ABCB11: variants seen among roughly 807,000 people sequenced by gnomAD.
The protein encoded by ABCB11 is bile salt export pump.
In ABCB11, 95 loss-of-function variants were observed where a neutral mutation model predicts 148.0. That is an observed-to-expected ratio of 0.64 (90% CI 0.54 to 0.76). ABCB11 has a LOEUF of 0.76. ABCB11 is among the 30% of genes least tolerant of loss of function. The pLI is 0.00. For missense variants in ABCB11, 1,523 were observed against 1,617.8 expected, an observed-to-expected ratio of 0.94 and a Z score of 1.01; for synonymous variants, 591 against 555.4, an observed-to-expected ratio of 1.06 and a Z score of -0.90.
chr2:169,010,722 G>A (rs1203369192), intron 5 of ABCB11, among the ~76,000 whole-genome samples: 1 of 152,004 alleles, frequency 6.6e-6, no homozygotes, highest in Non-Finnish European at 1.5e-5. Context: ...ATAAGATCGC[G>A]GTGATCTTAC....
At chr2:168,933,510 T>C (rs773304396) in intron 23 of ABCB11, among the ~76,000 whole-genome samples, 1 of 152,344 alleles carries the variant, frequency 6.6e-6, no homozygotes, top group East Asian at 1.9e-4. Context: ...TGCACTGTCA[T>C]GCACAGAGGG....
chr2:169,015,571 G>T (rs115646382), intron 3 of ABCB11, among the ~76,000 whole-genome samples: 4,674 of 151,754 alleles, frequency 0.031, 118 homozygotes, highest in African/African-American at 0.064. Flanking sequence ...TTTTCTTTAG[G>T]TAACCACAGG....
chr2:168,980,024 G>A (rs774015178), intron 10 of ABCB11, 45 bp from the exon 11 acceptor site: 3 of 1,148,940 alleles, frequency 2.6e-6, no homozygotes, highest in East Asian at 2.5e-5. Flanking sequence ...TTGTTAATGT[G>A]TAAATAGTAA....
chr2:168,985,457 A>G (rs1370051441), intron 10 of ABCB11, among the ~76,000 whole-genome samples: 1 of 152,196 alleles, frequency 6.6e-6, no homozygotes, highest in African/African-American at 2.4e-5. Flanking sequence ...GCATGTTTAT[A>G]GCAGCACAAT....
rs1691827755 is a variant in ABCB11 at position 168,936,379 on chromosome 2, C to T, written c.2665G>A (p.Ala889Thr). Residue 889 changes from alanine to threonine, a missense_variant, in exon 22 of 28, where the codon GCC becomes ACC. Physicochemically the swap from Ala to Thr is moderately conservative, Grantham distance 58. Transcript: ENST00000650372. ...IVNSFTNVTV[A>T]MIIAFSFSWK... Reference sequence around the variant, plus strand: ...CTAAAGGAGAAGGCAATGATCATGGCCACAGTGACGTTAGTGAAGGAATTG... The same window carrying T: ...CTAAAGGAGAAGGCAATGATCATGGTCACAGTGACGTTAGTGAAGGAATTG... The T allele has an allele frequency of 1.4e-5, 22 of 1,613,796 alleles. No individual in the cohort carries two copies. The highest frequency in any genetic ancestry group is 1.8e-5 in the Non-Finnish European group (21 of 1,179,874).
In ABCB11 at chr2:169,018,032, G is replaced by A. The variant is rs1267507609; in HGVS notation, c.76+18C>T. ...CCTCTCCTTGTACAAGATGCAGTGA[G>A]GGAAAAAAGCCACTCACATGATTTA... On this transcript the variant is annotated intron_variant, in intron 2 of 27. Coordinates refer to ENST00000650372, the MANE Select transcript of ABCB11 (RefSeq NM_003742.4). 1 of 1,600,618 alleles carries A rather than the reference G, an allele frequency of 6.2e-7. No individual in the cohort carries two copies. The highest frequency in any genetic ancestry group is 8.6e-7 in the Non-Finnish European group (1 of 1,168,022).
At position 168,995,363 on chromosome 2, in the gene ABCB11, A is replaced by G. The variant is rs1371004933; in HGVS notation, c.597T>C (p.Asn199=). ...WFDCNSVGEL[N]TRFSDDINKI... is the part of the protein sequence containing the mutation. ...CAGCTACTTACTCAGAGAATCTTGT[A>G]TTCAGCTCCCCCACTGAATTGCAGT... Residue 199 remains asparagine, a synonymous_variant, in exon 7 of 28, where the codon AAT becomes AAC. Transcript: ENST00000650372. The G allele has an allele frequency of 1.2e-6, 2 of 1,612,210 alleles. No individual in the cohort carries two copies. Among genetic ancestry groups the G allele is most frequent in the Admixed American group, 1.7e-5 (1 of 59,802 alleles).
chr2:169,030,396 G>C (rs1695832277), intron 1 of ABCB11, among the ~76,000 whole-genome samples: 1 of 152,094 alleles, frequency 6.6e-6, no homozygotes, highest in African/African-American at 2.4e-5. Flanking sequence ...GTTGCCCACA[G>C]AAAAGAACTT....
At chr2:168,990,495 A>G (rs1395724568) in intron 9 of ABCB11, among the ~76,000 whole-genome samples, 2 of 152,144 alleles carry the variant, frequency 1.3e-5, no homozygotes, top group Admixed American at 1.3e-4. Flanking sequence ...ACAGCATTAT[A>G]GACTGATATG....
At position 168,935,310 on chromosome 2, in the gene ABCB11, T is replaced by C. The variant is rs369859057; in HGVS notation, c.2930A>G (p.Lys977Arg). ...LEKPFKTAIQ[K>R]ANIYGFCFAF... is the part of the protein sequence containing the mutation. ...AAAGCAGAATCCGTAAATATTGGCT[T>C]TCTGAATGGCTGTCTTGAAGGGCTT... The change falls in exon 23 of 28, where the codon AAA becomes AGA. Residue 977 changes from lysine to arginine, a missense_variant. Physicochemically the swap from Lys to Arg is conservative, Grantham distance 26. Transcript: ENST00000650372. 8.1e-6 allele frequency: 13 copies of C among 1,613,950 alleles called. No homozygotes were observed. Among genetic ancestry groups the C allele is most frequent in the Non-Finnish European group, 1.0e-5 (12 of 1,179,904 alleles).
At chr2:168,947,348 AT>A (rs67085756) in intron 19 of ABCB11, among the ~76,000 whole-genome samples, 36 of 148,396 alleles carry the variant, frequency 2.4e-4, no homozygotes, top group African/African-American at 6.4e-4. Context: ...TCTCACATCC[AT>A]TTTTTTTTTT....
intron 17 of ABCB11, among the ~76,000 whole-genome samples, chr2:168,967,680 C>T (rs571341172): frequency 1.3e-5 from 2 of 151,836 alleles, no homozygotes; most frequent in Non-Finnish European, 2.9e-5. Flanking sequence ...TTTTAAAAAT[C>T]TTCTGACTTA....
intron 3 of ABCB11, 93 bp downstream of exon 3, chr2:169,016,685 G>A: frequency 1.0e-6 from 1 of 954,338 alleles, no homozygotes; most frequent in South Asian, 1.5e-5. Context: ...GAAGTGCAAT[G>A]TGCATGAAAG....
intron 8 of ABCB11, among the ~76,000 whole-genome samples, chr2:168,993,407 C>T (rs539105480): frequency 1.3e-5 from 2 of 152,114 alleles, no homozygotes; most frequent in African/African-American, 4.8e-5. Context: ...TTAGTGCTCA[C>T]TTTATAAGAT....
intron 19 of ABCB11, among the ~76,000 whole-genome samples, chr2:168,949,367 T>C (rs1240233486): frequency 6.6e-6 from 1 of 151,562 alleles, no homozygotes; most frequent in Non-Finnish European, 1.5e-5. Context: ...CTCCCAACTT[T>C]TGGAGTCTTT....
chr2:168,933,847 C>T (rs143703142), intron 23 of ABCB11, among the ~76,000 whole-genome samples: 88 of 152,214 alleles, frequency 5.8e-4, no homozygotes, highest in African/African-American at 1.9e-3. Context: ...TGGGTTCAAG[C>T]GATTCTCCTT....
intron 18 of ABCB11, among the ~76,000 whole-genome samples, chr2:168,958,456 C>T (rs1473287679): frequency 3.3e-5 from 5 of 151,370 alleles, no homozygotes. Context: ...AAAAGAAAAC[C>T]TTTGCTACGG....
Position 168,979,961 on chromosome 2 carries a change from CTAT to C in ABCB11, c.1099_1101del (p.Ile367del). 1 of 1,607,824 alleles carries C rather than the reference CTAT, an allele frequency of 6.2e-7. No homozygotes were observed. Among genetic ancestry groups the C allele is most frequent in the Non-Finnish European group, 8.5e-7 (1 of 1,175,314 alleles). The stretch of plus-strand genomic sequence containing the variant: ...GCATTGCCAAGATTTAAAGCTCCTA[CTAT>C]GACACTGAGGAAAATCTGAAATGAA... On this transcript the variant is annotated inframe_deletion, in exon 11 of 28. Coordinates refer to ENST00000650372, the MANE Select transcript of ABCB11 (RefSeq NM_003742.4).
At chr2:168,966,644 T>C (rs1693334019) in intron 17 of ABCB11, among the ~76,000 whole-genome samples, 1 of 151,924 alleles carries the variant, frequency 6.6e-6, no homozygotes, top group Non-Finnish European at 1.5e-5. Context: ...ATGTATTAAA[T>C]TGTTCTTGAA....
Sources: gnomAD v4.1 joint callset for allele counts (sites outside exome capture counted in the v4.1 genomes callset) on GRCh38, gnomAD v4.1.1 for gene constraint, MANE v1.5 for transcripts, NCBI Gene and HGNC (gene_info 2026-07-23, HGNC 2026-07-21) for gene names.